The following CMYA5 variants were observed in gnomAD, a reference collection of about 807,000 sequenced individuals.
CMYA5 encodes cardiomyopathy-associated protein 5.
Under a neutral mutation model 318.9 loss-of-function variants are expected in CMYA5, and 246 were observed. The observed-to-expected ratio is 0.77, with a 90% confidence interval of 0.70 to 0.86. The LOEUF is 0.86. Ranked by LOEUF, CMYA5 falls within the 40% of genes least tolerant of loss-of-function variation. The probability of loss-of-function intolerance (pLI) is 0.00; values close to 1 mark genes in which losing one functional copy is unlikely to be tolerated. For missense variants in CMYA5, 4,589 were observed against 4,678.2 expected (o/e 0.98, Z 0.56); for synonymous variants, 1,641 against 1,729.5 (o/e 0.95, Z 1.27).
At chr5:79,791,442 T>C (rs1159062109) in intron 11 of CMYA5, among the ~76,000 whole-genome samples, 1 of 152,046 alleles carries the variant, frequency 6.6e-6, no homozygotes, top group East Asian at 1.9e-4. Context: ...TAGAAGAGGC[T>C]GGGCACAGTG....
intron 11 of CMYA5, 77 bp from the exon 12 acceptor site, chr5:79,793,360 T>A (rs1487900535): frequency 1.4e-6 from 2 of 1,393,580 alleles, no homozygotes; most frequent in Admixed American, 3.7e-5. Flanking sequence ...ACTGTGTGAG[T>A]TTGTGAATGT....
chr5:79,710,603 C>T (rs1347170785), intron 1 of CMYA5, among the ~76,000 whole-genome samples: 1 of 152,128 alleles, frequency 6.6e-6, no homozygotes, highest in Non-Finnish European at 1.5e-5. Context: ...AAGTGGTCAT[C>T]TGAGTGCTGG....
chr5:79,746,547 TA>T (rs11423461), intron 4 of CMYA5, among the ~76,000 whole-genome samples: 3,461 of 68,850 alleles, frequency 0.05, 76 homozygotes, highest in East Asian at 0.2. Context: ...GAGCAAACTG[TA>T]AAAAAAAAAA....
Position 79,752,799 on chromosome 5 carries a change from G to A in CMYA5, c.11110+5G>A, listed in dbSNP as rs1561219611. On this transcript the variant is annotated splice_donor_5th_base_variant and intron_variant, in intron 6 of 12. Transcript: ENST00000446378. ...AGATGTTAAAACAAGTGGCTGGTAAGCATTTTAATATATTAATTACCTAGA... is the reference window on the plus strand; with the variant it reads ...AGATGTTAAAACAAGTGGCTGGTAAACATTTTAATATATTAATTACCTAGA... 9.4e-6 allele frequency: 15 copies of A among 1,598,842 alleles called. No individual in the cohort carries two copies. The highest frequency in any genetic ancestry group is 1.6e-4 in the Middle Eastern group (1 of 6,066).
chr5:79,775,559 AAAG>A (rs1290370590), intron 9 of CMYA5, among the ~76,000 whole-genome samples: 2 of 152,314 alleles, frequency 1.3e-5, no homozygotes, highest in Non-Finnish European at 2.9e-5. Flanking sequence ...AAGAGGAAAA[AAAG>A]AGATTACATA....
Position 79,739,147 on chromosome 5 carries a change from T to A in CMYA5, c.10382T>A (p.Ile3461Asn). Residue 3461 changes from isoleucine (I) to asparagine (N), a missense_variant, in exon 2 of 13, where the codon ATC becomes AAC. Around this residue, in one of 3 missense-constraint regions of CMYA5, gnomAD observed 2,431 missense variants for 2,495.1 expected, o/e 0.97. Coordinates refer to ENST00000446378, the MANE Select transcript of CMYA5 (RefSeq NM_153610.5). The part of the protein sequence containing the change: ...LSQGKESFEH[I>N]SENEFASEAE... ...CAAGGAAAGGAATCCTTTGAGCACA[T>A]CAGTGAAAATGAATTTGCGAGTGAG... 3 of 1,613,670 alleles carry A rather than the reference T, an allele frequency of 1.9e-6. No homozygotes were observed. Among genetic ancestry groups the A allele is most frequent in the Non-Finnish European group, 1.7e-6 (2 of 1,179,776 alleles).
intron 12 of CMYA5, among the ~76,000 whole-genome samples, chr5:79,798,746 T>G (rs980043450): frequency 6.6e-6 from 1 of 152,138 alleles, no homozygotes; most frequent in Non-Finnish European, 1.5e-5. Context: ...AAGGAATAGT[T>G]GTTGAGTTGA....
chr5:79,732,745 T>A lies in CMYA5; in HGVS notation c.3980T>A (p.Val1327Asp), dbSNP rs371595429. The change falls in exon 2 of 13, where the codon GTT (valine) becomes GAT (aspartate). Residue 1327 changes from valine to aspartate, a missense_variant. Coordinates refer to ENST00000446378, the MANE Select transcript of CMYA5 (RefSeq NM_153610.5). ...HSASSGVEKQ[V>D]EHGPPALAFS... is the part of the protein sequence containing the mutation. ...GCTTCCTCAGGAGTGGAAAAGCAAG[T>A]TGAACATGGTCCACCTGCACTAGCA... 31 of 1,613,648 alleles carry A rather than the reference T, an allele frequency of 1.9e-5. No homozygotes were observed. In the African/African-American group the frequency reaches 4.1e-4, roughly 22 times the overall value.
intron 6 of CMYA5, among the ~76,000 whole-genome samples, chr5:79,754,280 G>A (rs1828486043): frequency 6.6e-6 from 1 of 152,164 alleles, no homozygotes. Flanking sequence ...CCTAAACTAA[G>A]CAGATACAAT....
intron 6 of CMYA5, among the ~76,000 whole-genome samples, chr5:79,754,511 T>C (rs930251120): frequency 1.3e-5 from 2 of 152,078 alleles, no homozygotes; most frequent in African/African-American, 4.8e-5. Context: ...CACAGCCGGT[T>C]GGGGTGTGTT....
At chr5:79,694,727 A>G (rs1434467726) in intron 1 of CMYA5, among the ~76,000 whole-genome samples, 3 of 152,236 alleles carry the variant, frequency 2.0e-5, no homozygotes, top group Admixed American at 6.5e-5. Context: ...CATTATCAGT[A>G]CAGAGCACTC....
At position 79,745,214 on chromosome 5, in the gene CMYA5, G is replaced by C. The variant is rs1275109366; in HGVS notation, c.10735-8G>C. On this transcript the variant is annotated splice_polypyrimidine_tract_variant and splice_region_variant and intron_variant, in intron 3 of 12. Transcript: ENST00000446378. ...CAGAAGTGGGCTTTTTTGCTTGTTT[G>C]TTTTCAGGAAAACTGTAGTAAAAAT... The C allele has an allele frequency of 2.0e-6, 3 of 1,508,146 alleles. No homozygotes were observed. The highest frequency in any genetic ancestry group is 2.7e-6 in the Non-Finnish European group (3 of 1,115,862). 93.4% of individuals were successfully genotyped at this position (1,508,146 alleles called of 1,614,324 possible).
intron 9 of CMYA5, among the ~76,000 whole-genome samples, chr5:79,771,046 T>C (rs1158069253): frequency 6.9e-6 from 1 of 145,950 alleles, no homozygotes; most frequent in Admixed American, 7.0e-5. Context: ...AGGTGAACTC[T>C]GGCCAAAACA....
At position 79,693,336 on chromosome 5, in the gene CMYA5, A is replaced by AT. The variant is rs11319092; in HGVS notation, c.149+3298dup. Among the ~76,000 whole-genome samples the AT allele has an allele frequency of 2.3e-3, 308 of 135,654 alleles. 2 individuals carry two copies. Among genetic ancestry groups the AT allele is most frequent in the East Asian group, 0.012 (56 of 4,604 alleles). 89.0% of individuals were successfully genotyped at this position (135,654 alleles called of 152,430 possible). On this transcript the variant is annotated intron_variant, in intron 1 of 12. Transcript: ENST00000446378. ...GGAGTCGTTTGTTCAAAGTCACACA[A>AT]TTTTTTTTTTTTTTTTTTCTTGAGG...
At position 79,738,958 on chromosome 5, in the gene CMYA5, A is replaced by C; in HGVS notation, c.10193A>C (p.Glu3398Ala). The change falls in exon 2 of 13, where the codon GAA (glutamate) becomes GCA (alanine). Residue 3398 changes from glutamate to alanine, a missense_variant. Glu to Ala is a moderately radical substitution (Grantham distance 107). This residue lies in a region of CMYA5 where 2,431 missense variants were observed against 2,495.1 expected (regional missense o/e 0.97). Coordinates refer to ENST00000446378, the MANE Select transcript of CMYA5 (RefSeq NM_153610.5). The part of the protein sequence containing the change: ...ATHVQETSLE[E>A]PKILVPPEPS... ...CATGTTCAAGAAACATCACTAGAAG[A>C]ACCTAAAATCCTGGTCCCACCTGAG... The C allele has an allele frequency of 6.2e-7, 1 of 1,613,916 alleles. No individual in the cohort carries two copies. The highest frequency in any genetic ancestry group is 8.5e-7 in the Non-Finnish European group (1 of 1,179,854).
intron 9 of CMYA5, among the ~76,000 whole-genome samples, chr5:79,784,580 C>T (rs371173227): frequency 6.4e-4 from 59 of 91,636 alleles, no homozygotes; most frequent in East Asian, 3.0e-4. Flanking sequence ...ATTCCGTGGG[C>T]GTAGGACCCT....
Position 79,799,788 on chromosome 5 carries a change from T to C in CMYA5, c.*172T>C. On this transcript the variant is annotated 3_prime_UTR_variant, in exon 13 of 13. Coordinates refer to ENST00000446378, the MANE Select transcript of CMYA5 (RefSeq NM_153610.5). The stretch of plus-strand genomic sequence containing the variant: ...AAAATCGACAAGAAAACCTTGACTT[T>C]ACAGAGCAGTGTGTGAGTAAACAGA... The C allele has an allele frequency of 1.4e-6, 1 of 712,422 alleles. No homozygotes were observed. The highest frequency in any genetic ancestry group is 3.1e-5 in the East Asian group (1 of 32,712). The allele number at this position is 712,422 out of a possible 1,614,324, so 44.1% of individuals were successfully genotyped here. A position where few individuals can be genotyped will look rare whatever the true frequency, so the allele number is the denominator to read the frequency against.
At position 79,745,227 on chromosome 5, in the gene CMYA5, C is replaced by T; in HGVS notation, c.10740C>T (p.Asn3580=). Residue 3580 remains asparagine, a synonymous_variant, in exon 4 of 13, where the codon AAC becomes AAT. Transcript: ENST00000446378. ...IESFFNTIEE[N]CSKNEKRLEE... is the part of the protein sequence containing the mutation. ...TTTTGCTTGTTTGTTTTCAGGAAAA[C>T]TGTAGTAAAAATGAGAAAAGGCTAG... is the stretch of plus-strand genomic sequence containing the variant. The T allele has an allele frequency of 5.8e-6, 9 of 1,550,926 alleles. No homozygotes were observed. Among genetic ancestry groups the T allele is most frequent in the Non-Finnish European group, 6.1e-6 (7 of 1,146,156 alleles).
chr5:79,753,612 C>A (rs1218941953), intron 6 of CMYA5, among the ~76,000 whole-genome samples: 3 of 151,262 alleles, frequency 2.0e-5, no homozygotes, highest in South Asian at 2.1e-4. Flanking sequence ...CAACAAAAAA[C>A]CCCAAAAAAC....
Sources: gnomAD v4.1 joint callset for allele counts (sites outside exome capture counted in the v4.1 genomes callset) on GRCh38, gnomAD v4.1.1 for gene constraint, gnomAD v4.1.1 regional missense constraint, MANE v1.5 for transcripts, NCBI Gene and HGNC (gene_info 2026-07-23, HGNC 2026-07-21) for gene names.